REDIC1: variants seen among roughly 807,000 people sequenced by gnomAD.
REDIC1 encodes the protein HEI10 Interacting Protein 1.
the REDIC1 span, among the ~76,000 whole-genome samples, chr12:39,731,883 G>A: frequency 6.9e-6 from 1 of 145,942 alleles, no homozygotes; most frequent in Non-Finnish European, 1.5e-5. Flanking sequence ...CACAAATGTA[G>A]AAAATGTAAC....
At chr12:39,701,198 C>T in the REDIC1 span, among the ~76,000 whole-genome samples, 12 of 152,200 alleles carry the variant, frequency 7.9e-5, no homozygotes, top group East Asian at 3.9e-4. Context: ...TCCCATACCA[C>T]GTGCGGAGAC....
the REDIC1 span, among the ~76,000 whole-genome samples, chr12:39,785,666 C>T: frequency 6.6e-6 from 1 of 152,146 alleles, no homozygotes; most frequent in African/African-American, 2.4e-5. Context: ...AAGCCACAGA[C>T]ACTCAACGCC....
the REDIC1 span, among the ~76,000 whole-genome samples, chr12:39,855,151 G>C: frequency 6.6e-6 from 1 of 152,106 alleles, no homozygotes. Context: ...TGAAACTATG[G>C]TATTAGACTT....
At chr12:39,711,853 GTGTATGTGTATACACGTATACACA>G in the REDIC1 span, among the ~76,000 whole-genome samples, 4 of 74,002 alleles carry the variant, frequency 5.4e-5, no homozygotes, top group Non-Finnish European at 8.2e-5. Flanking sequence ...ACACATGCAT[GTGTATGTGTATACACGTATACACA>G]TGCATGTGTA....
At chr12:39,691,861 G>T in the REDIC1 span, among the ~76,000 whole-genome samples, 1 of 151,756 alleles carries the variant, frequency 6.6e-6, no homozygotes, top group Admixed American at 6.6e-5. Context: ...GTTTTTTAAC[G>T]AATTTAAATT....
the REDIC1 span, among the ~76,000 whole-genome samples, chr12:39,711,338 T>C: frequency 6.8e-6 from 1 of 148,092 alleles, no homozygotes. Context: ...AGATCACATA[T>C]ATACATCTAT....
chr12:39,794,851 G>A, the REDIC1 span, among the ~76,000 whole-genome samples: 12 of 152,060 alleles, frequency 7.9e-5, no homozygotes, highest in Admixed American at 3.3e-4. Flanking sequence ...TTCTCTCCAC[G>A]CATGAAGGAT....
the REDIC1 span, among the ~76,000 whole-genome samples, chr12:39,784,682 A>G: frequency 1.3e-5 from 2 of 152,252 alleles, no homozygotes; most frequent in Non-Finnish European, 2.9e-5. Context: ...CTTCATGACT[A>G]AAACACCAAA....
the REDIC1 span, among the ~76,000 whole-genome samples, chr12:39,753,110 T>G: frequency 4.6e-5 from 7 of 152,324 alleles, no homozygotes; most frequent in South Asian, 1.4e-3. Flanking sequence ...TTGCTAAAAG[T>G]AAAGCATAAC....
At chr12:39,644,424 T>G in the REDIC1 span, among the ~76,000 whole-genome samples, 1 of 151,814 alleles carries the variant, frequency 6.6e-6, no homozygotes, top group Non-Finnish European at 1.5e-5. Flanking sequence ...TCATATATTT[T>G]GATACTTCAA....
the REDIC1 span, among the ~76,000 whole-genome samples, chr12:39,786,687 T>A: frequency 7.8e-3 from 1,182 of 152,236 alleles, 13 homozygotes; most frequent in Non-Finnish European, 0.013. Context: ...TTTTAGGAAT[T>A]GGGGGAACTT....
chr12:39,851,774 C>T, the REDIC1 span, among the ~76,000 whole-genome samples: 9 of 152,168 alleles, frequency 5.9e-5, no homozygotes, highest in African/African-American at 1.9e-4. Context: ...AGTCATTGAT[C>T]ACTGCAAATT....
the REDIC1 span, among the ~76,000 whole-genome samples, chr12:39,717,213 G>C: frequency 6.6e-6 from 1 of 151,080 alleles, no homozygotes; most frequent in Non-Finnish European, 1.5e-5. Context: ...CAATGCAGGG[G>C]TTAGGGATGC....
the REDIC1 span, among the ~76,000 whole-genome samples, chr12:39,747,277 A>G: frequency 6.6e-6 from 1 of 152,264 alleles, no homozygotes; most frequent in Non-Finnish European, 1.5e-5. Context: ...TACATGACGA[A>G]TGCACAAGCT....
chr12:39,711,227 CCA>C, the REDIC1 span, among the ~76,000 whole-genome samples: 1 of 149,390 alleles, frequency 6.7e-6, no homozygotes, highest in Non-Finnish European at 1.5e-5. Context: ...TTTTAATCTA[CCA>C]TATATATATA....
chr12:39,800,484 C>A, the REDIC1 span, among the ~76,000 whole-genome samples: 10 of 134,334 alleles, frequency 7.4e-5, no homozygotes, highest in Non-Finnish European at 1.3e-4. Context: ...AGCCAAAAAA[C>A]ACATGAAGAA....
At chr12:39,667,809 A>G in the REDIC1 span, among the ~76,000 whole-genome samples, 1 of 151,986 alleles carries the variant, frequency 6.6e-6, no homozygotes, top group Non-Finnish European at 1.5e-5. Context: ...TGATTCCTTT[A>G]CCATTATGTA....
the REDIC1 span, among the ~76,000 whole-genome samples, chr12:39,695,514 C>G: frequency 2.0e-5 from 3 of 152,094 alleles, no homozygotes; most frequent in Non-Finnish European, 4.4e-5. Flanking sequence ...GGTTCATCTG[C>G]CTTTGGAAAG....
At chr12:39,713,952 C>G in the REDIC1 span, among the ~76,000 whole-genome samples, 2 of 147,110 alleles carry the variant, frequency 1.4e-5, no homozygotes, top group Admixed American at 1.4e-4. Flanking sequence ...CCTATATATA[C>G]GTGTATATAC....
Sources: allele counts gnomAD v4.1 joint callset (sites outside exome capture counted in the v4.1 genomes callset), GRCh38; gene constraint gnomAD v4.1.1; transcripts MANE v1.5; gene names NCBI Gene and HGNC (gene_info 2026-07-23, HGNC 2026-07-21).